Variants in ANO10 observed in about 807,000 individuals in gnomAD.
ANO10 encodes anoctamin 10.
ANO10 carries 77 observed loss-of-function variants against 74.7 expected under a neutral mutation model. The observed-to-expected ratio is 1.03, with a 90% CI of 0.86 to 1.25. The LOEUF is 1.25. ANO10 is among the 50% of genes most tolerant of loss of function. ANO10 has a pLI of 0.00. For synonymous variants in ANO10, 279 were observed against 284.9 expected, an observed-to-expected ratio of 0.98 and a Z score of 0.21; for missense variants, 721 against 778.1, an observed-to-expected ratio of 0.93 and a Z score of 0.87.
chr3:43,532,098 C>T (rs2078496167), intron 11 of ANO10, among the ~76,000 whole-genome samples: 2 of 152,180 alleles, frequency 1.3e-5, no homozygotes, highest in East Asian at 3.9e-4. Flanking sequence ...AGAGCTGAAT[C>T]ACAAGCAGCT....
rs890348415 is a variant in ANO10 at position 43,548,594 on chromosome 3, T to C, written c.1797+1126A>G. 1.5e-4 allele frequency among the ~76,000 whole-genome samples: 23 copies of C among 152,316 alleles called. No homozygotes were observed. In the East Asian group the frequency reaches 1.9e-3, roughly 13 times the overall value. ...ATTTCTTTAGCCAACACTGGAAATG[T>C]GCAAGTTCATGATTTCCTTTCCTCT... On this transcript the variant is annotated intron_variant, in intron 11 of 12. Transcript: ENST00000292246.
intron 12 of ANO10, among the ~76,000 whole-genome samples, chr3:43,402,088 A>C (rs959790952): frequency 1.3e-5 from 2 of 152,250 alleles, no homozygotes; most frequent in Non-Finnish European, 2.9e-5. Context: ...CGGTGACAAC[A>C]GCTGGCCTCT....
chr3:43,392,039 A>G (rs2092285098), intron 12 of ANO10, among the ~76,000 whole-genome samples: 1 of 152,138 alleles, frequency 6.6e-6, no homozygotes, highest in Non-Finnish European at 1.5e-5. Flanking sequence ...GATTTCATGG[A>G]GCTTCTGGTC....
At chr3:43,476,489 T>G (rs1575987616) in intron 11 of ANO10, among the ~76,000 whole-genome samples, 1 of 152,218 alleles carries the variant, frequency 6.6e-6, no homozygotes, top group African/African-American at 2.4e-5. Context: ...CATTGGCTGG[T>G]TCTTGGTGTC....
chr3:43,678,193 G>A (rs1173691960), intron 1 of ANO10, among the ~76,000 whole-genome samples: 2 of 152,134 alleles, frequency 1.3e-5, no homozygotes, highest in African/African-American at 4.8e-5. Context: ...TTATAATAAA[G>A]TCTTAAATAT....
intron 1 of ANO10, among the ~76,000 whole-genome samples, chr3:43,681,245 A>C (rs1187531519): frequency 6.6e-6 from 1 of 152,082 alleles, no homozygotes; most frequent in Admixed American, 6.6e-5. Context: ...TCTACCAAGC[A>C]AATGGAAAAC....
At chr3:43,400,863 T>A (rs1024625579) in intron 12 of ANO10, among the ~76,000 whole-genome samples, 3 of 152,190 alleles carry the variant, frequency 2.0e-5, no homozygotes, top group Non-Finnish European at 4.4e-5. Flanking sequence ...CACAGTGAGA[T>A]GAGGATGAGG....
chr3:43,611,211 AT>A (rs1217184442), intron 1 of ANO10, among the ~76,000 whole-genome samples: 5 of 152,154 alleles, frequency 3.3e-5, no homozygotes, highest in Non-Finnish European at 7.4e-5. Flanking sequence ...TCTCTCCTCA[AT>A]GTTTTATTTC....
intron 11 of ANO10, among the ~76,000 whole-genome samples, chr3:43,523,958 G>A (rs1056967027): frequency 2.6e-5 from 4 of 152,120 alleles, no homozygotes; most frequent in Non-Finnish European, 4.4e-5. Flanking sequence ...GGCTACAGTG[G>A]AGGTGGAAGT....
At chr3:43,543,045 G>T (rs953646412) in intron 11 of ANO10, among the ~76,000 whole-genome samples, 1 of 152,182 alleles carries the variant, frequency 6.6e-6, no homozygotes, top group Non-Finnish European at 1.5e-5. Flanking sequence ...GGGCTCACAA[G>T]ACAAGGTGAT....
At chr3:43,687,161 C>T (rs971902760) in intron 1 of ANO10, among the ~76,000 whole-genome samples, 3 of 152,308 alleles carry the variant, frequency 2.0e-5, no homozygotes, top group Non-Finnish European at 4.4e-5. Flanking sequence ...TCTTTATAAA[C>T]ATTTACAGGC....
intron 11 of ANO10, chr3:43,472,430 A>AG (rs979694491): frequency 7.2e-5 from 11 of 152,216 alleles, no homozygotes; most frequent in Non-Finnish European, 1.5e-4. Context: ...TATGGTGGGT[A>AG]GGGGGAAAGG....
intron 11 of ANO10, among the ~76,000 whole-genome samples, chr3:43,542,425 G>T (rs944742382): frequency 6.6e-6 from 1 of 152,152 alleles, no homozygotes; most frequent in African/African-American, 2.4e-5. Flanking sequence ...TAACACAGAC[G>T]GAACCAATGC....
chr3:43,581,443 CA>C (rs1559736832), intron 4 of ANO10, among the ~76,000 whole-genome samples: 1 of 152,204 alleles, frequency 6.6e-6, no homozygotes, highest in Non-Finnish European at 1.5e-5. Context: ...GGAATTCTGT[CA>C]TCCACAGTAA....
rs61084802 is a variant in ANO10 at position 43,614,771 on chromosome 3, C to CTATATATA, written c.-12+7130_-12+7137dup. On this transcript the variant is annotated intron_variant, in intron 1 of 12. Coordinates refer to ENST00000292246, the MANE Select transcript of ANO10 (RefSeq NM_018075.5). Reference sequence around the variant, plus strand: ...CCCAAATTCTTAGAAGAAAACTAAACTATATATATATATATATATATATAT... The same window carrying CTATATATA: ...CCCAAATTCTTAGAAGAAAACTAAACTATATATATATATATATATATATATATATATAT... 6.0e-3 allele frequency among the ~76,000 whole-genome samples: 314 copies of CTATATATA among 52,688 alleles called. 17 individuals carry two copies. The highest frequency in any genetic ancestry group is 0.013 in the African/African-American group (260 of 20,488). The allele number at this position is 52,688 out of a possible 152,430, so 34.6% of individuals were successfully genotyped here. A position where few individuals can be genotyped will look rare whatever the true frequency, so the allele number is the denominator to read the frequency against.
chr3:43,656,332 C>A (rs1047265327), intron 1 of ANO10, among the ~76,000 whole-genome samples: 1 of 152,248 alleles, frequency 6.6e-6, no homozygotes, highest in African/African-American at 2.4e-5. Context: ...TTCTCCACGT[C>A]CCCACCAGAC....
chr3:43,518,368 G>A (rs62250950), intron 11 of ANO10, among the ~76,000 whole-genome samples: 1,712 of 152,006 alleles, frequency 0.011, 9 homozygotes, highest in Non-Finnish European at 0.019. Flanking sequence ...CATCATCTTC[G>A]TAAATTGAGG....
At chr3:43,439,163 A>G (rs2093121258) in intron 11 of ANO10, among the ~76,000 whole-genome samples, 1 of 152,120 alleles carries the variant, frequency 6.6e-6, no homozygotes, top group South Asian at 2.1e-4. Flanking sequence ...ATCATGTACA[A>G]GGGAATTCCC....
At chr3:43,420,200 CTT>C (rs1256489098) in intron 12 of ANO10, among the ~76,000 whole-genome samples, 2 of 152,212 alleles carry the variant, frequency 1.3e-5, no homozygotes, top group African/African-American at 4.8e-5. Context: ...AATCCCAACA[CTT>C]TGAGAGGCTG....
Sources: gnomAD v4.1 joint callset for allele counts (sites outside exome capture counted in the v4.1 genomes callset) on GRCh38, gnomAD v4.1.1 for gene constraint, MANE v1.5 for transcripts, NCBI Gene and HGNC (gene_info 2026-07-23, HGNC 2026-07-21) for gene names.